Variants in THSD4 observed in about 807,000 individuals in gnomAD.
THSD4 encodes thrombospondin type-1 domain-containing protein 4.
A neutral mutation model predicts 119.0 loss-of-function variants in THSD4; 69 were observed. The observed-to-expected ratio is 0.58, with a 90% CI of 0.48 to 0.71. THSD4 has a LOEUF of 0.71. THSD4 is among the 30% of genes least tolerant of loss of function. THSD4 has a pLI of 0.00. For synonymous variants in THSD4, 524 were observed against 540.4 expected (o/e 0.97, Z 0.42); for missense variants, 1,393 against 1,391.1 (o/e 1.00, Z -0.02).
At chr15:71,404,464 T>C (rs1031487284) in intron 6 of THSD4, among the ~76,000 whole-genome samples, 2 of 152,258 alleles carry the variant, frequency 1.3e-5, no homozygotes, top group Non-Finnish European at 1.5e-5. Flanking sequence ...TGTATGGATA[T>C]ACCACATTTT....
intron 7 of THSD4, among the ~76,000 whole-genome samples, chr15:71,436,840 G>T (rs928998302): frequency 6.6e-6 from 1 of 152,228 alleles, no homozygotes; most frequent in Non-Finnish European, 1.5e-5. Flanking sequence ...ACATTTTTAC[G>T]GGGAAATGAA....
chr15:71,513,988 A>G (rs2048319334), intron 7 of THSD4, among the ~76,000 whole-genome samples: 2 of 152,202 alleles, frequency 1.3e-5, no homozygotes, highest in African/African-American at 2.4e-5. Flanking sequence ...GATGAAAGTC[A>G]GAAAGTAGTT....
intron 3 of THSD4, among the ~76,000 whole-genome samples, chr15:71,199,048 T>C (rs992630985): frequency 3.3e-5 from 5 of 152,186 alleles, no homozygotes; most frequent in African/African-American, 1.2e-4. Context: ...AAATAGCCTA[T>C]GTCAACAGCC....
chr15:71,198,849 G>T (rs538899701), intron 3 of THSD4, among the ~76,000 whole-genome samples: 1 of 152,240 alleles, frequency 6.6e-6, no homozygotes, highest in Non-Finnish European at 1.5e-5. Flanking sequence ...TTATTGCAAG[G>T]GCTCTGCCTC....
At chr15:71,112,388 G>A, upstream of THSD4, 1 of 632,874 alleles carries the variant, frequency 1.6e-6, no homozygotes, top group Non-Finnish European at 2.4e-6. Context: ...TACATAGACA[G>A]AACTGACACA....
chr15:71,114,780 C>T (rs1456558575), upstream of THSD4: 1 of 152,106 alleles, frequency 6.6e-6, no homozygotes, highest in East Asian at 1.9e-4. Context: ...CAAAATATTA[C>T]TCTGAATAAG....
At chr15:71,243,926 A>T (rs2044176765) in intron 5 of THSD4, among the ~76,000 whole-genome samples, 1 of 151,758 alleles carries the variant, frequency 6.6e-6, no homozygotes. Flanking sequence ...CTGGGACTAC[A>T]GGTGCGCACC....
Position 71,411,775 on chromosome 15 carries a change from C to T in THSD4, c.1104C>T (p.Thr368=), listed in dbSNP as rs1185413956. 3 of 1,614,096 alleles carry T rather than the reference C, an allele frequency of 1.9e-6. No homozygotes were observed. The East Asian group carries it at 6.7e-5, about 36-fold the overall frequency. The part of the protein sequence containing the change: ...VRQAEKVIDG[T]PCDQNGTAIC... ...AAGCTGAGAAAGTCATCGATGGCAC[C>T]CCCTGTGACCAGAACGGCACGGCCA... is the stretch of plus-strand genomic sequence containing the variant. Residue 368 remains threonine, a synonymous_variant, in exon 7 of 18, where the codon ACC becomes ACT. Transcript: ENST00000261862.
At chr15:71,483,644 A>G (rs1028041574) in intron 7 of THSD4, among the ~76,000 whole-genome samples, 1 of 152,046 alleles carries the variant, frequency 6.6e-6, no homozygotes, top group East Asian at 1.9e-4. Context: ...GGTTTGTTAC[A>G]TAGGTAAATG....
intron 7 of THSD4, among the ~76,000 whole-genome samples, chr15:71,439,199 G>A (rs537560192): frequency 2.6e-5 from 4 of 152,262 alleles, no homozygotes; most frequent in African/African-American, 7.2e-5. Flanking sequence ...CAGTAAATAG[G>A]CGGTATCTTT....
At chr15:71,244,363 C>T (rs1031508853) in intron 5 of THSD4, among the ~76,000 whole-genome samples, 7 of 152,080 alleles carry the variant, frequency 4.6e-5, no homozygotes, top group Admixed American at 2.0e-4. Context: ...TTTAATCTGC[C>T]TTAATACTCT....
chr15:71,522,074 A>T (rs2140788181), intron 7 of THSD4, among the ~76,000 whole-genome samples: 1 of 152,230 alleles, frequency 6.6e-6, no homozygotes, highest in Non-Finnish European at 1.5e-5. Context: ...TCACCCTTTT[A>T]CACCTGATGT....
chr15:71,268,574 A>G (rs1173932522), intron 6 of THSD4, among the ~76,000 whole-genome samples: 1 of 152,174 alleles, frequency 6.6e-6, no homozygotes, highest in Non-Finnish European at 1.5e-5. Flanking sequence ...AACAAATTCA[A>G]AAGCTAGCAG....
At chr15:71,142,363 G>A (rs1190394154) in intron 2 of THSD4, among the ~76,000 whole-genome samples, 1 of 152,082 alleles carries the variant, frequency 6.6e-6, no homozygotes, top group Non-Finnish European at 1.5e-5. Context: ...CATTGCAACT[G>A]TAGTCCATGT....
intron 7 of THSD4, among the ~76,000 whole-genome samples, chr15:71,600,350 G>A (rs2049983550): frequency 6.6e-6 from 1 of 152,156 alleles, no homozygotes; most frequent in Non-Finnish European, 1.5e-5. Context: ...ATTCCCGTAG[G>A]TTTTGTTTGC....
At chr15:71,103,764 C>T (rs2141340285) in intron 1 of THSD4, among the ~76,000 whole-genome samples, 1 of 151,838 alleles carries the variant, frequency 6.6e-6, no homozygotes, top group African/African-American at 2.4e-5. Context: ...TGGGCTGAGG[C>T]TGGAAAGAAG....
At position 71,718,568 on chromosome 15, in the gene THSD4, T is replaced by C. The variant is rs76034890; in HGVS notation, c.1358-9981T>C. ...AAACCAGATTTCAGTTGTTGTATCC[T>C]GATCAAAAATCTTTTAGGCATCCCA... is the stretch of plus-strand genomic sequence containing the variant. On this transcript the variant is annotated intron_variant, in intron 8 of 17. Transcript: ENST00000261862. 6.6e-3 allele frequency among the ~76,000 whole-genome samples: 1,002 copies of C among 152,344 alleles called. 9 individuals carry two copies. Among genetic ancestry groups the C allele is most frequent in the Non-Finnish European group, 0.01 (698 of 68,030 alleles).
At chr15:71,200,171 C>T (rs1041858345) in intron 3 of THSD4, among the ~76,000 whole-genome samples, 5 of 152,106 alleles carry the variant, frequency 3.3e-5, no homozygotes, top group African/African-American at 1.2e-4. Context: ...TGTGACTCTT[C>T]TTTTAGCCAG....
intron 8 of THSD4, among the ~76,000 whole-genome samples, chr15:71,708,869 CAA>C (rs1334973565): frequency 2.6e-5 from 4 of 152,152 alleles, no homozygotes; most frequent in Non-Finnish European, 5.9e-5. Flanking sequence ...AGCACTGTGG[CAA>C]AGACCCCTGT....
Sources: allele counts gnomAD v4.1 joint callset (sites outside exome capture counted in the v4.1 genomes callset), GRCh38; gene constraint gnomAD v4.1.1; transcripts MANE v1.5; gene names NCBI Gene and HGNC (gene_info 2026-07-23, HGNC 2026-07-21).